The following DLGAP2 variants were observed in gnomAD, a reference collection of about 807,000 sequenced individuals.
DLGAP2 encodes DLG associated protein 2.
A neutral mutation model predicts 100.3 loss-of-function variants in DLGAP2; 26 were observed. The observed-to-expected ratio is 0.26, with a 90% CI of 0.19 to 0.36. The LOEUF (loss-of-function observed/expected upper bound fraction) is 0.36. Among genes scored for constraint, DLGAP2 ranks in the 10% least tolerant of loss-of-function variants. The probability of loss-of-function intolerance (pLI) is 1.00; values close to 1 mark genes in which losing one functional copy is unlikely to be tolerated. For missense variants in DLGAP2, 1,858 were observed against 1,453.2 expected (o/e 1.28, Z -4.53); for synonymous variants, 886 against 630.1 (o/e 1.41, Z -6.08).
Position 1,306,074 on chromosome 8 carries a change from C to CAAAAAAA in DLGAP2, c.106+47203_106+47209dup, listed in dbSNP as rs61647224. The stretch of plus-strand genomic sequence containing the variant: ...AGAAGTCCTAGACAGAGAAATTAGG[C>CAAAAAAA]AAAAAAAAAAAAAAAAAAGAGAGAG... On this transcript the variant is annotated intron_variant, in intron 3 of 14. Transcript: ENST00000637795. 7.2e-3 allele frequency among the ~76,000 whole-genome samples: 835 copies of CAAAAAAA among 116,206 alleles called. 8 individuals carry two copies. Among genetic ancestry groups the CAAAAAAA allele is most frequent in the African/African-American group, 0.025 (784 of 31,934 alleles). The allele number at this position is 116,206 out of a possible 152,430, so 76.2% of individuals were successfully genotyped here.
chr8:1,513,757 A>G (rs915249927), intron 4 of DLGAP2, among the ~76,000 whole-genome samples: 1 of 152,226 alleles, frequency 6.6e-6, no homozygotes, highest in Non-Finnish European at 1.5e-5. Flanking sequence ...AGTTACAAAA[A>G]TAATACAGAG....
rs1436363921 is a variant in DLGAP2 at position 1,704,990 on chromosome 8, A to C, written c.*3584A>C. 6.6e-6 allele frequency: 1 copy of C among 152,236 alleles called. No homozygotes were observed. Among genetic ancestry groups the C allele is most frequent in the Non-Finnish European group, 1.5e-5 (1 of 68,058 alleles). 9.4% of individuals were successfully genotyped at this position (152,236 alleles called of 1,614,324 possible). On this transcript the variant is annotated 3_prime_UTR_variant, in exon 15 of 15. Coordinates refer to ENST00000637795, the MANE Select transcript of DLGAP2 (RefSeq NM_001346810.2). ...AGCCACCGTTTCCACCCCTTTCATT[A>C]GAAGGCCCTGCATCCGTAAATTCGC...
At chr8:1,118,712 G>A (rs1029949297) in intron 2 of DLGAP2, among the ~76,000 whole-genome samples, 2 of 152,190 alleles carry the variant, frequency 1.3e-5, no homozygotes, top group Non-Finnish European at 1.5e-5. Flanking sequence ...AGGACCGAAA[G>A]AACTTGGAGA....
chr8:765,107 C>G (rs1359350369), intron 1 of DLGAP2, among the ~76,000 whole-genome samples: 2 of 152,288 alleles, frequency 1.3e-5, no homozygotes, highest in East Asian at 3.9e-4. Context: ...AATGGGGCAG[C>G]TACAGTGGGT....
Position 1,420,481 on chromosome 8 carries a change from T to C in DLGAP2, c.107-80885T>C, listed in dbSNP as rs940151091. On this transcript the variant is annotated intron_variant, in intron 3 of 14. Coordinates refer to ENST00000637795, the MANE Select transcript of DLGAP2 (RefSeq NM_001346810.2). ...TTGAGTTTTTTCTAATTCCAATTCATCCTATAGCAAATTTCCTAAACTACA... is the reference window on the plus strand; with the variant it reads ...TTGAGTTTTTTCTAATTCCAATTCACCCTATAGCAAATTTCCTAAACTACA... 2.6e-5 allele frequency among the ~76,000 whole-genome samples: 4 copies of C among 152,186 alleles called. 1 individual carries two copies. Among genetic ancestry groups the C allele is most frequent in the African/African-American group, 4.8e-5 (2 of 41,436 alleles).
chr8:950,595 T>C (rs1268360683), intron 2 of DLGAP2, among the ~76,000 whole-genome samples: 2 of 151,942 alleles, frequency 1.3e-5, no homozygotes, highest in Non-Finnish European at 2.9e-5. Flanking sequence ...GTAGAAAAAT[T>C]TGTAGAATAT....
intron 3 of DLGAP2, among the ~76,000 whole-genome samples, chr8:1,433,573 T>G (rs1584897078): frequency 6.6e-6 from 1 of 152,310 alleles, no homozygotes; most frequent in Non-Finnish European, 1.5e-5. Flanking sequence ...AGAATAGTCC[T>G]AATCAATAAG....
intron 2 of DLGAP2, among the ~76,000 whole-genome samples, chr8:1,237,530 T>TCGTGTCTAGTTCTCTCACATGGCGC (rs1798689426): frequency 2.5e-5 from 3 of 121,668 alleles, no homozygotes; most frequent in Non-Finnish European, 3.4e-5. Flanking sequence ...ACACAGAGCA[T>TCGTGTCTAGTTCTCTCACATGGCGC]CGTGTCTAGT....
intron 3 of DLGAP2, among the ~76,000 whole-genome samples, chr8:1,496,755 G>T (rs200023791): frequency 6.6e-6 from 1 of 152,122 alleles, no homozygotes; most frequent in East Asian, 1.9e-4. Flanking sequence ...GTTCACTCGG[G>T]ACAGGTCCAC....
chr8:955,838 C>G (rs1199355639), intron 2 of DLGAP2, among the ~76,000 whole-genome samples: 1 of 152,140 alleles, frequency 6.6e-6, no homozygotes, highest in Non-Finnish European at 1.5e-5. Flanking sequence ...ATTTGCAGCT[C>G]TCTGTTCTCA....
At chr8:1,067,190 C>T (rs974191085) in intron 2 of DLGAP2, among the ~76,000 whole-genome samples, 19 of 152,232 alleles carry the variant, frequency 1.2e-4, no homozygotes, top group Admixed American at 9.2e-4. Context: ...CCCTGTACCT[C>T]GTGCTGCTGG....
At chr8:1,536,047 C>T (rs995481194) in intron 4 of DLGAP2, among the ~76,000 whole-genome samples, 1 of 152,196 alleles carries the variant, frequency 6.6e-6, no homozygotes, top group Non-Finnish European at 1.5e-5. Flanking sequence ...GCATTAGCCC[C>T]AGTTTCTCCA....
intron 1 of DLGAP2, among the ~76,000 whole-genome samples, chr8:876,015 A>G (rs545800295): frequency 2.7e-4 from 41 of 152,344 alleles, no homozygotes; most frequent in African/African-American, 9.9e-4. Flanking sequence ...TACCACCTGT[A>G]ATTATGTTCT....
At chr8:1,247,974 G>A (rs1585188931) in intron 2 of DLGAP2, among the ~76,000 whole-genome samples, 1 of 5,472 alleles carries the variant, frequency 1.8e-4, no homozygotes. Flanking sequence ...GATGGTCCAC[G>A]TTGGTGGCCG....
intron 3 of DLGAP2, among the ~76,000 whole-genome samples, chr8:1,390,215 A>G (rs990125350): frequency 2.6e-5 from 4 of 152,122 alleles, no homozygotes; most frequent in African/African-American, 4.8e-5. Flanking sequence ...CTGCCATAGT[A>G]ATCATGTTGG....
At chr8:1,248,446 T>C (rs111306499) in intron 2 of DLGAP2, 1 of 16,332 alleles carries the variant, frequency 6.1e-5, no homozygotes, top group Non-Finnish European at 1.3e-4. Context: ...TTGACATCAG[T>C]GTGGGAGTGA....
At chr8:1,553,928 T>A (rs889270026) in intron 5 of DLGAP2, among the ~76,000 whole-genome samples, 1 of 152,190 alleles carries the variant, frequency 6.6e-6, no homozygotes, top group Non-Finnish European at 1.5e-5. Flanking sequence ...TTTAGAAAAA[T>A]CATCCATCTT....
intron 3 of DLGAP2, among the ~76,000 whole-genome samples, chr8:1,491,420 CT>C (rs1175456847): frequency 3.9e-5 from 6 of 152,250 alleles, no homozygotes; most frequent in South Asian, 2.1e-4. Flanking sequence ...GCTGCTCCCC[CT>C]GATCTCAGAG....
At chr8:1,182,927 G>T (rs573088242) in intron 2 of DLGAP2, among the ~76,000 whole-genome samples, 2 of 152,276 alleles carry the variant, frequency 1.3e-5, no homozygotes, top group Admixed American at 1.3e-4. Flanking sequence ...ACAGCCCTGC[G>T]GTGGCATGGG....
Sources: gnomAD v4.1 joint callset for allele counts (sites outside exome capture counted in the v4.1 genomes callset) on GRCh38, gnomAD v4.1.1 for gene constraint, MANE v1.5 for transcripts, NCBI Gene and HGNC (gene_info 2026-07-23, HGNC 2026-07-21) for gene names.